The following XKR6 variants were observed in gnomAD, a reference collection of about 807,000 sequenced individuals.
The protein encoded by XKR6 is XK related 6, also known as XK-related protein 6.
XKR6 carries 22 observed loss-of-function variants against 56.7 expected under a neutral mutation model. That is an observed-to-expected ratio of 0.39 (90% CI 0.28 to 0.55). The LOEUF (loss-of-function observed/expected upper bound fraction) is 0.55, where lower values mean the gene tolerates loss of function less well. Ranked by LOEUF, XKR6 falls within the 20% of genes least tolerant of loss-of-function variation. XKR6 has a pLI of 0.66. For synonymous variants in XKR6, 524 were observed against 387.8 expected, an observed-to-expected ratio of 1.35 and a Z score of -4.13; for missense variants, 852 against 889.0, an observed-to-expected ratio of 0.96 and a Z score of 0.53.
chr8:11,154,216 C>T (rs189478939), intron 1 of XKR6, among the ~76,000 whole-genome samples: 131 of 152,324 alleles, frequency 8.6e-4, no homozygotes, highest in African/African-American at 2.9e-3. Context: ...CTCTGGCTCA[C>T]ACGATACCAG....
intron 2 of XKR6, among the ~76,000 whole-genome samples, chr8:10,917,902 T>C (rs6601537): frequency 0.19 from 29,576 of 152,222 alleles, 3,171 homozygotes; most frequent in Non-Finnish European, 0.21. Flanking sequence ...TGCTTGTTTC[T>C]AGCACAAAGA....
chr8:11,175,662 C>T (rs1374575131), intron 1 of XKR6: 2 of 152,178 alleles, frequency 1.3e-5, no homozygotes, highest in Non-Finnish European at 2.9e-5. Flanking sequence ...TGCTGTAAAT[C>T]CTCAAAAACA....
chr8:10,956,845 C>T (rs73196861), intron 1 of XKR6, among the ~76,000 whole-genome samples: 10,291 of 152,298 alleles, frequency 0.068, 368 homozygotes, highest in Middle Eastern at 0.13. Context: ...GGTAAGACCT[C>T]TCTCCTCTTC....
chr8:11,068,601 C>G (rs926679750), intron 1 of XKR6, among the ~76,000 whole-genome samples: 1 of 152,230 alleles, frequency 6.6e-6, no homozygotes. Context: ...GGGATGGCAT[C>G]TCGGCAGGTC....
At chr8:10,948,051 C>A (rs572459720) in intron 1 of XKR6, among the ~76,000 whole-genome samples, 3 of 152,230 alleles carry the variant, frequency 2.0e-5, no homozygotes, top group South Asian at 2.1e-4. Context: ...GAACAGCCAC[C>A]TTTCCCTCAG....
rs1424901236 is a variant in XKR6 at position 11,078,037 on chromosome 8, AC to A, written c.764+122538del. Among the ~76,000 whole-genome samples the A allele has an allele frequency of 1.6e-3, 249 of 152,086 alleles. 4 individuals carry two copies. The highest frequency in any genetic ancestry group is 2.4e-4 in the Non-Finnish European group (16 of 67,986). On this transcript the variant is annotated intron_variant, in intron 1 of 2. Coordinates refer to ENST00000416569, the MANE Select transcript of XKR6 (RefSeq NM_173683.4). ...GACCTCAATGCTGACCTTGAGCCTGACCCCAAACCACTTCCGACAGTGGCGC... is the reference window on the plus strand; with the variant it reads ...GACCTCAATGCTGACCTTGAGCCTGACCCAAACCACTTCCGACAGTGGCGC...
chr8:10,989,542 G>C (rs908559853), intron 1 of XKR6, among the ~76,000 whole-genome samples: 2 of 152,228 alleles, frequency 1.3e-5, no homozygotes, highest in African/African-American at 4.8e-5. Flanking sequence ...TCACCATATA[G>C]CAGAGTGGTT....
At chr8:10,907,533 C>A (rs532858688) in intron 2 of XKR6, among the ~76,000 whole-genome samples, 1 of 152,286 alleles carries the variant, frequency 6.6e-6, no homozygotes, top group South Asian at 2.1e-4. Context: ...AGACTGATTT[C>A]AAGATGAAGA....
intron 1 of XKR6, among the ~76,000 whole-genome samples, chr8:11,057,744 C>G (rs1799722791): frequency 6.6e-6 from 1 of 152,174 alleles, no homozygotes; most frequent in South Asian, 2.1e-4. Context: ...CAAACCTCAC[C>G]TCCTCCACAA....
At chr8:11,126,259 G>C (rs1211830525) in intron 1 of XKR6, among the ~76,000 whole-genome samples, 1 of 151,912 alleles carries the variant, frequency 6.6e-6, no homozygotes, top group African/African-American at 2.4e-5. Context: ...AGTAAAGACG[G>C]GGTTCACTAT....
chr8:10,939,414 G>T (rs1801323097), intron 1 of XKR6, among the ~76,000 whole-genome samples: 1 of 152,152 alleles, frequency 6.6e-6, no homozygotes, highest in African/African-American at 2.4e-5. Context: ...AAATGGGTGG[G>T]GATCACCAGG....
chr8:11,147,470 A>T (rs929978800), intron 1 of XKR6, among the ~76,000 whole-genome samples: 6 of 152,060 alleles, frequency 3.9e-5, no homozygotes, highest in African/African-American at 1.4e-4. Context: ...ATCCTGGCCA[A>T]CATGGTGAAA....
chr8:10,940,807 T>C (rs1238465624), intron 1 of XKR6, among the ~76,000 whole-genome samples: 1 of 152,148 alleles, frequency 6.6e-6, no homozygotes, highest in Non-Finnish European at 1.5e-5. Context: ...GGCGGGCCCA[T>C]CACCAGCAAA....
chr8:10,910,736 C>G (rs1048141068), intron 2 of XKR6, among the ~76,000 whole-genome samples: 1 of 152,188 alleles, frequency 6.6e-6, no homozygotes, highest in African/African-American at 2.4e-5. Flanking sequence ...CTAAATCCAG[C>G]CCCCTGCTTC....
intron 1 of XKR6, among the ~76,000 whole-genome samples, chr8:11,165,643 T>C (rs1802036138): frequency 6.6e-6 from 1 of 152,176 alleles, no homozygotes. Flanking sequence ...AAATGCAGTG[T>C]ATTAACTCTT....
intron 1 of XKR6, among the ~76,000 whole-genome samples, chr8:11,049,585 C>T (rs916569880): frequency 5.3e-5 from 8 of 152,216 alleles, no homozygotes; most frequent in African/African-American, 1.9e-4. Context: ...GGAAATGGAT[C>T]AAGGCCCTGG....
At chr8:10,934,770 G>T (rs1160647767) in intron 1 of XKR6, among the ~76,000 whole-genome samples, 22 of 148,182 alleles carry the variant, frequency 1.5e-4, no homozygotes, top group Non-Finnish European at 3.1e-4. Flanking sequence ...TGGTGGATAA[G>T]CTTTTTGATG....
intron 1 of XKR6, among the ~76,000 whole-genome samples, chr8:11,196,147 T>C (rs117369992): frequency 3.9e-5 from 6 of 152,234 alleles, no homozygotes; most frequent in Non-Finnish European, 8.8e-5. Context: ...AAATATTGAA[T>C]ATTACCATTC....
At chr8:11,038,024 TA>T (rs34286744) in intron 1 of XKR6, among the ~76,000 whole-genome samples, 88,093 of 132,300 alleles carry the variant, frequency 0.67, 29,189 homozygotes, top group South Asian at 0.76. Context: ...CAGATATATC[TA>T]AAAAAAAAAA....
Sources: gnomAD v4.1 joint callset for allele counts (sites outside exome capture counted in the v4.1 genomes callset) on GRCh38, gnomAD v4.1.1 for gene constraint, MANE v1.5 for transcripts, NCBI Gene and HGNC (gene_info 2026-07-23, HGNC 2026-07-21) for gene names.